The following PAPPA variants were observed in gnomAD, a reference collection of about 807,000 sequenced individuals.
PAPPA encodes pappalysin 1, also known as pappalysin-1.
A neutral mutation model predicts 164.0 loss-of-function variants in PAPPA; 60 were observed. That is an observed-to-expected ratio of 0.37 (90% CI 0.30 to 0.45). The LOEUF (loss-of-function observed/expected upper bound fraction) is 0.45, where lower values mean the gene tolerates loss of function less well. Ranked by LOEUF, PAPPA falls within the 20% of genes least tolerant of loss-of-function variation. The pLI is 1.00. For synonymous variants in PAPPA, 875 were observed against 814.1 expected (o/e 1.07, Z -1.27); for missense variants, 1,782 against 2,087.3 (o/e 0.85, Z 2.85).
intron 13 of PAPPA, among the ~76,000 whole-genome samples, chr9:116,338,258 C>A (rs530752759): frequency 6.6e-6 from 1 of 152,160 alleles, no homozygotes; most frequent in Non-Finnish European, 1.5e-5. Context: ...TTTTCACATT[C>A]GCTTTCTTCC....
chr9:116,192,113 C>T (rs891448924), intron 2 of PAPPA, among the ~76,000 whole-genome samples: 2 of 152,134 alleles, frequency 1.3e-5, no homozygotes, highest in African/African-American at 2.4e-5. Context: ...CTCTGCCTGC[C>T]AGTCTCCTGC....
At chr9:116,345,451 A>AC in intron 14 of PAPPA, among the ~76,000 whole-genome samples, 1 of 152,000 alleles carries the variant, frequency 6.6e-6, no homozygotes, top group Admixed American at 6.5e-5. Flanking sequence ...AAAAAAAAAA[A>AC]AACATGCCAC....
At position 116,188,187 on chromosome 9, in the gene PAPPA, G is replaced by C; in HGVS notation, c.1449G>C (p.Gln483His). The change falls in exon 2 of 22, where the codon CAG becomes CAC. Residue 483 changes from glutamine to histidine, a missense_variant. By Grantham distance (24) the Gln-to-His change is conservative. Around this residue, in one of 2 missense-constraint regions of PAPPA, gnomAD observed 1,324 missense variants for 1,656.9 expected, o/e 0.80. Transcript: ENST00000328252. ...ACCCTGAAATCACCAATGTCACTCAGACTTGCTTTGACCCCGACTCTCCAC... is the reference window on the plus strand; with the variant it reads ...ACCCTGAAATCACCAATGTCACTCACACTTGCTTTGACCCCGACTCTCCAC... ...CCDPEITNVT[Q>H]TCFDPDSPHR... The C allele has an allele frequency of 6.2e-7, 1 of 1,612,296 alleles. No individual in the cohort carries two copies. The highest frequency in any genetic ancestry group is 8.5e-7 in the Non-Finnish European group (1 of 1,178,572).
At chr9:116,367,428 G>A (rs1025718053) in intron 18 of PAPPA, among the ~76,000 whole-genome samples, 4 of 152,202 alleles carry the variant, frequency 2.6e-5, no homozygotes, top group East Asian at 3.9e-4. Context: ...GCCAATGAGT[G>A]TGGCAGCAGG....
In PAPPA at chr9:116,211,927, A is replaced by G; in HGVS notation, c.1913A>G (p.Tyr638Cys). Residue 638 changes from tyrosine (Y) to cysteine (C), a missense_variant, in exon 4 of 22, where the codon TAT (tyrosine) becomes TGT (cysteine). Transcript: ENST00000328252. Reference protein sequence around the residue: ...FNTPYNNFMSYADDDCTDSFT... With the variant: ...FNTPYNNFMSCADDDCTDSFT... ...ACTCCTTACAACAACTTCATGAGCT[A>G]TGCAGGTAGGGCCCTACACTCTGTA... The G allele has an allele frequency of 6.2e-7, 1 of 1,613,856 alleles. No homozygotes were observed. Among genetic ancestry groups the G allele is most frequent in the Non-Finnish European group, 8.5e-7 (1 of 1,179,812 alleles).
chr9:116,290,058 A>G (rs1845417396), intron 9 of PAPPA, among the ~76,000 whole-genome samples: 1 of 152,174 alleles, frequency 6.6e-6, no homozygotes, highest in South Asian at 2.1e-4. Flanking sequence ...CACAGCTTAT[A>G]GTTTTTATGT....
chr9:116,227,196 G>T (rs1359398504), intron 5 of PAPPA, among the ~76,000 whole-genome samples: 1 of 152,198 alleles, frequency 6.6e-6, no homozygotes, highest in African/African-American at 2.4e-5. Flanking sequence ...AAAAGTCAGA[G>T]AAATGTATGC....
intron 3 of PAPPA, among the ~76,000 whole-genome samples, chr9:116,209,435 C>T (rs1164823354): frequency 2.0e-5 from 3 of 152,120 alleles, no homozygotes; most frequent in Non-Finnish European, 4.4e-5. Context: ...CTGAAAGGGC[C>T]ATGATCAGAG....
At chr9:116,318,030 T>A (rs1845808298) in intron 10 of PAPPA, among the ~76,000 whole-genome samples, 4 of 152,226 alleles carry the variant, frequency 2.6e-5, no homozygotes, top group Admixed American at 2.6e-4. Context: ...AACTTATCCT[T>A]CACGCCTCCG....
At chr9:116,387,815 T>C (rs529960102) in intron 21 of PAPPA, among the ~76,000 whole-genome samples, 1 of 152,360 alleles carries the variant, frequency 6.6e-6, no homozygotes, top group African/African-American at 2.4e-5. Flanking sequence ...CTCTAACCCC[T>C]TGGAACATCC....
At chr9:116,212,750 G>T (rs1220079628) in intron 4 of PAPPA, among the ~76,000 whole-genome samples, 1 of 152,186 alleles carries the variant, frequency 6.6e-6, no homozygotes, top group African/African-American at 2.4e-5. Flanking sequence ...AGGGAGGAGA[G>T]AGGGAGGGCT....
At chr9:116,257,350 A>G (rs1394247490) in intron 7 of PAPPA, among the ~76,000 whole-genome samples, 1 of 152,004 alleles carries the variant, frequency 6.6e-6, no homozygotes, top group Non-Finnish European at 1.5e-5. Context: ...TCACAGGGTC[A>G]TCTTCAGAAT....
chr9:116,161,968 G>T (rs1405830335), intron 1 of PAPPA, among the ~76,000 whole-genome samples: 1 of 152,176 alleles, frequency 6.6e-6, no homozygotes, highest in Non-Finnish European at 1.5e-5. Context: ...GTTTAGAGAG[G>T]GTTAGGGACT....
chr9:116,302,466 C>G (rs894532914), intron 9 of PAPPA, among the ~76,000 whole-genome samples: 3 of 151,942 alleles, frequency 2.0e-5, no homozygotes, highest in African/African-American at 7.3e-5. Flanking sequence ...ATCTATAAGT[C>G]GAATCATGCA....
intron 18 of PAPPA, among the ~76,000 whole-genome samples, chr9:116,366,528 G>A (rs1010082844): frequency 1.3e-5 from 2 of 152,074 alleles, no homozygotes; most frequent in African/African-American, 2.4e-5. Flanking sequence ...TCATCAGTCA[G>A]TCATCATGCC....
chr9:116,176,276 G>C (rs1843833919), intron 1 of PAPPA, among the ~76,000 whole-genome samples: 2 of 152,198 alleles, frequency 1.3e-5, no homozygotes, highest in African/African-American at 4.8e-5. Flanking sequence ...ATTGTTGTTG[G>C]TCTTTATTCT....
At chr9:116,373,420 A>G (rs1846602105) in intron 19 of PAPPA, 2 of 152,202 alleles carry the variant, frequency 1.3e-5, no homozygotes, top group South Asian at 4.2e-4. Flanking sequence ...AAAAGCAAAT[A>G]ATTAATAATA....
At chr9:116,346,906 TA>T in intron 14 of PAPPA, 119 bp from the exon 15 acceptor site, 1 of 662,318 alleles carries the variant, frequency 1.5e-6, no homozygotes, top group Non-Finnish European at 2.6e-6. Flanking sequence ...CGTTAAACAC[TA>T]AGCATTGGTC....
chr9:116,370,578 C>G (rs889385488), intron 19 of PAPPA, among the ~76,000 whole-genome samples: 1 of 152,178 alleles, frequency 6.6e-6, no homozygotes, highest in Non-Finnish European at 1.5e-5. Context: ...ATATTCCTAC[C>G]GTGGCAGATT....
Sources: gnomAD v4.1 joint callset for allele counts (sites outside exome capture counted in the v4.1 genomes callset) on GRCh38, gnomAD v4.1.1 for gene constraint, gnomAD v4.1.1 regional missense constraint, MANE v1.5 for transcripts, NCBI Gene and HGNC (gene_info 2026-07-23, HGNC 2026-07-21) for gene names.